The following KCNH1 variants were observed in gnomAD, a reference collection of about 807,000 sequenced individuals.
The protein encoded by KCNH1 is voltage-gated delayed rectifier potassium channel KCNH1.
A neutral mutation model predicts 69.2 loss-of-function variants in KCNH1; 27 were observed. That is an observed-to-expected ratio of 0.39 (90% confidence interval 0.29 to 0.54). KCNH1 has a LOEUF of 0.54. Ranked by LOEUF, KCNH1 falls within the 20% of genes least tolerant of loss-of-function variation. The probability of loss-of-function intolerance (pLI) is 0.68; values close to 1 mark genes in which losing one functional copy is unlikely to be tolerated. For missense variants in KCNH1, 798 were observed against 1,261.6 expected, an observed-to-expected ratio of 0.63 and a Z score of 5.57; for synonymous variants, 456 against 487.7, an observed-to-expected ratio of 0.93 and a Z score of 0.86.
chr1:210,754,421 C>T (rs956474594), intron 10 of KCNH1, among the ~76,000 whole-genome samples: 1 of 152,104 alleles, frequency 6.6e-6, no homozygotes, highest in Non-Finnish European at 1.5e-5. Flanking sequence ...ATGCTGCTAA[C>T]ACATTGATAT....
intron 7 of KCNH1, among the ~76,000 whole-genome samples, chr1:210,856,202 G>A (rs1017757356): frequency 6.6e-6 from 1 of 152,254 alleles, no homozygotes; most frequent in Non-Finnish European, 1.5e-5. Context: ...CATTCGTAAC[G>A]TAAGTATCAA....
intron 10 of KCNH1, among the ~76,000 whole-genome samples, chr1:210,741,239 C>T (rs189829490): frequency 1.3e-5 from 2 of 152,170 alleles, no homozygotes; most frequent in African/African-American, 4.8e-5. Flanking sequence ...TTGCAAACTT[C>T]TTTATTTTGG....
At chr1:210,959,396 G>A (rs2102354715) in intron 6 of KCNH1, among the ~76,000 whole-genome samples, 1 of 152,242 alleles carries the variant, frequency 6.6e-6, no homozygotes, top group Non-Finnish European at 1.5e-5. Flanking sequence ...GAGGAGGCAG[G>A]CCGTCCGTTC....
intron 6 of KCNH1, among the ~76,000 whole-genome samples, chr1:210,942,689 G>A (rs957061679): frequency 2.0e-5 from 3 of 151,990 alleles, no homozygotes; most frequent in Non-Finnish European, 4.4e-5. Context: ...TCAGGAAAAT[G>A]GGCAGGGATC....
chr1:210,712,119 A>C (rs1682091046), intron 10 of KCNH1, among the ~76,000 whole-genome samples: 1 of 152,230 alleles, frequency 6.6e-6, no homozygotes, highest in Admixed American at 6.5e-5. Flanking sequence ...AGCAAAGAAC[A>C]TAGATGAGAT....
intron 7 of KCNH1, among the ~76,000 whole-genome samples, chr1:210,823,323 G>T (rs753221342): frequency 6.6e-6 from 1 of 152,194 alleles, no homozygotes; most frequent in Non-Finnish European, 1.5e-5. Flanking sequence ...CAGTTGTGCA[G>T]AAAATTGCTC....
intron 6 of KCNH1, among the ~76,000 whole-genome samples, chr1:210,965,183 C>G (rs1443246657): frequency 1.3e-5 from 2 of 152,080 alleles, no homozygotes; most frequent in African/African-American, 4.8e-5. Flanking sequence ...CCTTTGAAAA[C>G]CAGCACGAGA....
At chr1:210,692,151 A>C (rs1352051470) in intron 10 of KCNH1, among the ~76,000 whole-genome samples, 1 of 152,198 alleles carries the variant, frequency 6.6e-6, no homozygotes, top group East Asian at 1.9e-4. Context: ...TGTCTGACCC[A>C]TCAGTGACAT....
chr1:211,044,000 A>T (rs1213782561), intron 5 of KCNH1, among the ~76,000 whole-genome samples: 2 of 152,204 alleles, frequency 1.3e-5, no homozygotes, highest in East Asian at 3.8e-4. Context: ...GAATGGGGAA[A>T]AGTTGAAAGC....
At chr1:210,872,509 A>G (rs1686275302) in intron 7 of KCNH1, among the ~76,000 whole-genome samples, 1 of 152,174 alleles carries the variant, frequency 6.6e-6, no homozygotes, top group Non-Finnish European at 1.5e-5. Flanking sequence ...TTTATAAAGA[A>G]AAGAGGTTTA....
chr1:210,733,133 A>G (rs1416877424), intron 10 of KCNH1, among the ~76,000 whole-genome samples: 2 of 152,214 alleles, frequency 1.3e-5, no homozygotes, highest in Non-Finnish European at 1.5e-5. Context: ...TAAATGGGAA[A>G]CAAAGTATCC....
rs1443863944 is a variant in KCNH1, at chr1:210,996,004, G to C, written c.1032+22779C>G. Among the ~76,000 whole-genome samples, 4 of 152,190 alleles carry C rather than the reference G, an allele frequency of 2.6e-5. No individual in the cohort carries two copies. In the East Asian group the frequency reaches 7.7e-4, roughly 29 times the overall value. ...TTGATGATTAAGATTTTTGAGGGTG[G>C]CAGCCAAGATGGCCGAATAGGAACA... On this transcript the variant is annotated intron_variant, in intron 6 of 10. Coordinates refer to ENST00000271751, the MANE Select transcript of KCNH1 (RefSeq NM_172362.3).
chr1:210,958,095 T>C (rs1034698038), intron 6 of KCNH1, among the ~76,000 whole-genome samples: 10 of 152,232 alleles, frequency 6.6e-5, no homozygotes, highest in African/African-American at 2.4e-4. Context: ...GGAGCTCTTG[T>C]AAGGCAGGCC....
At chr1:210,755,787 T>C (rs571419441) in intron 10 of KCNH1, among the ~76,000 whole-genome samples, 42 of 152,262 alleles carry the variant, frequency 2.8e-4, no homozygotes, top group African/African-American at 1.0e-3. Flanking sequence ...ATCCCCACTT[T>C]CCTAGGGCAA....
At chr1:211,002,121 C>T (rs1689194326) in intron 6 of KCNH1, among the ~76,000 whole-genome samples, 1 of 151,924 alleles carries the variant, frequency 6.6e-6, no homozygotes, top group Non-Finnish European at 1.5e-5. Context: ...TGTAACAAAC[C>T]TGCACGTTGT....
intron 5 of KCNH1, among the ~76,000 whole-genome samples, chr1:211,061,208 A>G (rs2102449847): frequency 6.6e-6 from 1 of 152,344 alleles, no homozygotes; most frequent in Admixed American, 6.5e-5. Flanking sequence ...GACAAAAAAC[A>G]TACAATCATT....
intron 5 of KCNH1, among the ~76,000 whole-genome samples, chr1:211,068,049 A>G (rs1345544676): frequency 6.6e-6 from 1 of 152,268 alleles, no homozygotes; most frequent in Non-Finnish European, 1.5e-5. Flanking sequence ...AGATTGCCTT[A>G]GCTCAGGAAA....
chr1:210,807,120 C>A (rs1288064659), intron 7 of KCNH1, among the ~76,000 whole-genome samples: 1 of 151,600 alleles, frequency 6.6e-6, no homozygotes, highest in East Asian at 1.9e-4. Flanking sequence ...CAAGAACAGA[C>A]TGATATTGCT....
At chr1:210,833,083 A>T (rs753492857) in intron 7 of KCNH1, among the ~76,000 whole-genome samples, 12 of 151,992 alleles carry the variant, frequency 7.9e-5, no homozygotes, top group Non-Finnish European at 1.0e-4. Flanking sequence ...CCTGGGAAGA[A>T]TTAAGAGAAG....
Sources: gnomAD v4.1 joint callset for allele counts (sites outside exome capture counted in the v4.1 genomes callset) on GRCh38, gnomAD v4.1.1 for gene constraint, MANE v1.5 for transcripts, NCBI Gene and HGNC (gene_info 2026-07-23, HGNC 2026-07-21) for gene names.